Variants in SRBD1 observed in about 807,000 individuals in gnomAD.
The protein encoded by SRBD1 is S1 RNA binding domain 1, also known as S1 RNA-binding domain-containing protein 1.
SRBD1 carries 88 observed loss-of-function variants against 115.3 expected under a neutral mutation model. The observed-to-expected ratio is 0.76, with a 90% CI of 0.64 to 0.91. SRBD1 has a LOEUF of 0.91. Ranked by LOEUF, SRBD1 falls within the 40% of genes least tolerant of loss-of-function variation. The pLI, the probability that SRBD1 is intolerant of heterozygous loss-of-function variation, is 0.00. For synonymous variants in SRBD1, 509 were observed against 407.7 expected, an observed-to-expected ratio of 1.25 and a Z score of -2.99; for missense variants, 1,385 against 1,177.4, an observed-to-expected ratio of 1.18 and a Z score of -2.58.
intron 16 of SRBD1, among the ~76,000 whole-genome samples, chr2:45,451,469 G>C (rs1488610471): frequency 6.6e-6 from 1 of 151,974 alleles, no homozygotes; most frequent in East Asian, 1.9e-4. Context: ...TTAAATGACA[G>C]AGTACTAGGT....
intron 14 of SRBD1, among the ~76,000 whole-genome samples, chr2:45,536,859 T>C (rs1355733686): frequency 6.6e-6 from 1 of 152,188 alleles, no homozygotes; most frequent in African/African-American, 2.4e-5. Context: ...CTCTCTTAAC[T>C]TTGCATTTTT....
chr2:45,582,362 C>A (rs183097017), intron 5 of SRBD1, among the ~76,000 whole-genome samples: 1 of 152,304 alleles, frequency 6.6e-6, no homozygotes, highest in African/African-American at 2.4e-5. Context: ...GTTCTTACTA[C>A]ACGTTATTAG....
chr2:45,476,936 G>A (rs1231690570), intron 16 of SRBD1, 57 bp downstream of exon 16: 5 of 1,489,464 alleles, frequency 3.4e-6, no homozygotes, highest in Non-Finnish European at 4.7e-6. Flanking sequence ...TCCCAGGTTT[G>A]AGTACTGCTC....
At chr2:45,533,362 A>T (rs1671671678) in intron 14 of SRBD1, among the ~76,000 whole-genome samples, 1 of 152,094 alleles carries the variant, frequency 6.6e-6, no homozygotes, top group Admixed American at 6.5e-5. Context: ...ATGGTTACTA[A>T]AAGTCCTAAA....
chr2:45,593,411 T>C (rs1317196152), intron 4 of SRBD1, among the ~76,000 whole-genome samples: 1 of 152,122 alleles, frequency 6.6e-6, no homozygotes, highest in East Asian at 1.9e-4. Context: ...AAGCAATGAA[T>C]TATGGGGGGC....
rs1212961358 is a variant in SRBD1 at position 45,389,378 on chromosome 2, C to T, written c.2920G>A (p.Glu974Lys). 12 of 1,613,916 alleles carry T rather than the reference C, an allele frequency of 7.4e-6. No homozygotes were observed. Among genetic ancestry groups the T allele is most frequent in the Non-Finnish European group, 8.5e-6 (10 of 1,179,978 alleles). The change falls in exon 21 of 21, where the codon GAA becomes AAA. Residue 974 changes from glutamate to lysine, a missense_variant. Glu to Lys is a moderately conservative substitution (Grantham distance 56). Transcript: ENST00000263736. ...ATGTCAATGTTGAGTACTTGGACTT[C>T]CACTCTTTCTCCGGGGCCCAGTCCA... The part of the protein sequence containing the change: ...SLGLGPGERV[E>K]VQVLNIDIPR...
intron 16 of SRBD1, 50 bp downstream of exon 16, chr2:45,476,943 G>T: frequency 6.5e-7 from 1 of 1,533,542 alleles, no homozygotes; most frequent in Non-Finnish European, 9.0e-7. Flanking sequence ...TTTGAGTACT[G>T]CTCCTTGTAT....
At chr2:45,446,998 G>T (rs1225705186) in intron 16 of SRBD1, among the ~76,000 whole-genome samples, 4 of 152,120 alleles carry the variant, frequency 2.6e-5, no homozygotes, top group African/African-American at 9.7e-5. Flanking sequence ...CAGTGGCAGG[G>T]TTTTACGTCC....
intron 16 of SRBD1, among the ~76,000 whole-genome samples, chr2:45,429,274 G>A (rs1366248144): frequency 6.6e-6 from 1 of 151,876 alleles, no homozygotes; most frequent in Admixed American, 6.6e-5. Flanking sequence ...GAAAAAGACG[G>A]ACTCCTCCCT....
intron 3 of SRBD1, 116 bp downstream of exon 3, chr2:45,601,787 C>T (rs144105840): frequency 2.0e-4 from 270 of 1,337,292 alleles, no homozygotes; most frequent in Admixed American, 8.1e-4. Context: ...GTAGGGGATG[C>T]CATTGCTGGC....
At chr2:45,415,713 GGAGAGGAGAGGAGAGGAGAGGAGAC>G (rs1667806986) in intron 18 of SRBD1, among the ~76,000 whole-genome samples, 2 of 11,260 alleles carry the variant, frequency 1.8e-4, no homozygotes, top group Admixed American at 7.7e-4. Context: ...GGAGAGGAGA[GGAGAGGAGAGGAGAGGAGAGGAGAC>G]GAGAGGAGAC....
chr2:45,456,699 T>C (rs375329662), intron 16 of SRBD1, among the ~76,000 whole-genome samples: 1 of 151,882 alleles, frequency 6.6e-6, no homozygotes, highest in East Asian at 1.9e-4. Context: ...TAAGGTCTTC[T>C]AAAGTTGAGG....
At chr2:45,582,308 C>A (rs1332121753) in intron 5 of SRBD1, among the ~76,000 whole-genome samples, 1 of 152,158 alleles carries the variant, frequency 6.6e-6, no homozygotes, top group Non-Finnish European at 1.5e-5. Flanking sequence ...CAATTAAATA[C>A]CGATGGAGCA....
intron 14 of SRBD1, among the ~76,000 whole-genome samples, chr2:45,491,102 C>T (rs1457679980): frequency 1.3e-5 from 2 of 151,970 alleles, no homozygotes; most frequent in Non-Finnish European, 2.9e-5. Context: ...CCAGACATTG[C>T]TAAGAACAAA....
At chr2:45,399,923 G>A (rs1018976288) in intron 19 of SRBD1, among the ~76,000 whole-genome samples, 1 of 152,114 alleles carries the variant, frequency 6.6e-6, no homozygotes, top group Non-Finnish European at 1.5e-5. Flanking sequence ...AATTAAAAAA[G>A]TAGTATTTAA....
At chr2:45,506,451 G>T (rs185633698) in intron 14 of SRBD1, among the ~76,000 whole-genome samples, 1 of 152,216 alleles carries the variant, frequency 6.6e-6, no homozygotes, top group East Asian at 1.9e-4. Context: ...TCTAGAACAG[G>T]TATGATCTTC....
At chr2:45,571,583 A>G (rs1673019197) in intron 9 of SRBD1, among the ~76,000 whole-genome samples, 1 of 151,378 alleles carries the variant, frequency 6.6e-6, no homozygotes, top group East Asian at 1.9e-4. Context: ...TACAAAACAA[A>G]GATTTTAAAT....
intron 7 of SRBD1, among the ~76,000 whole-genome samples, chr2:45,575,231 C>T (rs1424066592): frequency 3.9e-5 from 6 of 152,182 alleles, no homozygotes; most frequent in African/African-American, 9.7e-5. Context: ...ACATTTTCAA[C>T]GACCCATTTG....
At chr2:45,410,884 T>A (rs1448026059) in intron 19 of SRBD1, among the ~76,000 whole-genome samples, 2 of 152,082 alleles carry the variant, frequency 1.3e-5, no homozygotes, top group Admixed American at 6.6e-5. Context: ...CCATATCCTT[T>A]CCCCCATATA....
Sources: allele counts gnomAD v4.1 joint callset (sites outside exome capture counted in the v4.1 genomes callset), GRCh38; gene constraint gnomAD v4.1.1; transcripts MANE v1.5; gene names NCBI Gene and HGNC (gene_info 2026-07-23, HGNC 2026-07-21).